The following CACNA2D3 variants were observed in gnomAD, a reference collection of about 807,000 sequenced individuals.
The protein encoded by CACNA2D3 is calcium voltage-gated channel auxiliary subunit alpha2delta 3.
In CACNA2D3, 60 loss-of-function variants were observed where a neutral mutation model predicts 160.6. The ratio of observed to expected loss-of-function variants is 0.37; its 90% CI spans 0.30 to 0.46. CACNA2D3 has a LOEUF of 0.46. Ranked by LOEUF, CACNA2D3 falls within the 20% of genes least tolerant of loss-of-function variation. CACNA2D3 has a pLI of 1.00. For missense variants in CACNA2D3, 1,205 were observed against 1,365.0 expected (o/e 0.88, Z 1.85); for synonymous variants, 558 against 492.9 (o/e 1.13, Z -1.75).
intron 2 of CACNA2D3, among the ~76,000 whole-genome samples, chr3:54,132,682 G>A (rs77048584): frequency 0.033 from 4,955 of 152,210 alleles, 255 homozygotes; most frequent in African/African-American, 0.11. Context: ...TGTATACTTA[G>A]AAAGAAATCA....
At chr3:54,539,859 G>A (rs1208161781) in intron 5 of CACNA2D3, among the ~76,000 whole-genome samples, 6 of 152,144 alleles carry the variant, frequency 3.9e-5, no homozygotes, top group African/African-American at 7.2e-5. Flanking sequence ...GTTTGTGGCC[G>A]GGTATTTTAG....
chr3:54,945,393 A>G (rs148194721), intron 27 of CACNA2D3, among the ~76,000 whole-genome samples: 24 of 152,260 alleles, frequency 1.6e-4, no homozygotes, highest in South Asian at 4.2e-4. Context: ...CCTGTCTTCA[A>G]ATGCCATCTC....
intron 13 of CACNA2D3, among the ~76,000 whole-genome samples, chr3:54,811,043 C>T (rs1179805909): frequency 2.0e-5 from 3 of 152,172 alleles, no homozygotes; most frequent in African/African-American, 7.2e-5. Flanking sequence ...GTCCTGGGCT[C>T]TCGCTGTCCT....
intron 13 of CACNA2D3, among the ~76,000 whole-genome samples, chr3:54,786,608 T>G (rs958216334): frequency 4.6e-5 from 7 of 152,192 alleles, no homozygotes; most frequent in African/African-American, 1.7e-4. Context: ...TTATAGATAT[T>G]TGGTAGGTAA....
At chr3:54,340,810 GT>G (rs1273336739) in intron 3 of CACNA2D3, among the ~76,000 whole-genome samples, 2 of 152,118 alleles carry the variant, frequency 1.3e-5, no homozygotes, top group Non-Finnish European at 2.9e-5. Flanking sequence ...TTGATCCCCA[GT>G]CCACAAGGCT....
chr3:54,281,511 A>G (rs1352191603), intron 2 of CACNA2D3, among the ~76,000 whole-genome samples: 2 of 152,038 alleles, frequency 1.3e-5, no homozygotes, highest in Non-Finnish European at 2.9e-5. Context: ...GCACTCAAAC[A>G]TGGCAGCTCT....
chr3:54,941,716 T>C (rs900659618), intron 27 of CACNA2D3, among the ~76,000 whole-genome samples: 8 of 152,204 alleles, frequency 5.3e-5, no homozygotes, highest in African/African-American at 1.9e-4. Context: ...AATGGGATCT[T>C]GGTAGAATTC....
chr3:54,693,031 AC>A (rs969781597), intron 11 of CACNA2D3, among the ~76,000 whole-genome samples: 11 of 149,506 alleles, frequency 7.4e-5, no homozygotes, highest in African/African-American at 2.7e-4. Flanking sequence ...TAAAAAAAAA[AC>A]CACCACCACC....
intron 2 of CACNA2D3, among the ~76,000 whole-genome samples, chr3:54,288,822 C>A (rs572249712): frequency 0.063 from 9,538 of 152,018 alleles, 1,032 homozygotes; most frequent in African/African-American, 0.22. Flanking sequence ...AGACAAAAAC[C>A]ACGTGATTAT....
At chr3:54,794,993 G>T (rs1326676472) in intron 13 of CACNA2D3, among the ~76,000 whole-genome samples, 1 of 151,880 alleles carries the variant, frequency 6.6e-6, no homozygotes, top group East Asian at 1.9e-4. Flanking sequence ...TATTTGTTCT[G>T]CACTGCTCCA....
chr3:54,338,896 A>AT (rs1345638852), intron 3 of CACNA2D3, among the ~76,000 whole-genome samples: 4 of 152,168 alleles, frequency 2.6e-5, no homozygotes, highest in Non-Finnish European at 4.4e-5. Context: ...TCTAGTTATC[A>AT]TTGTGTAGCC....
At chr3:54,368,912 A>T (rs1174056929) in intron 3 of CACNA2D3, among the ~76,000 whole-genome samples, 1 of 151,760 alleles carries the variant, frequency 6.6e-6, no homozygotes, top group Non-Finnish European at 1.5e-5. Context: ...TGTGTTAGCC[A>T]GGATAGTCTC....
intron 4 of CACNA2D3, among the ~76,000 whole-genome samples, chr3:54,391,446 A>C (rs999419418): frequency 6.6e-6 from 1 of 152,046 alleles, no homozygotes; most frequent in African/African-American, 2.4e-5. Flanking sequence ...AAAATGCAGA[A>C]TCCTCCATAG....
chr3:54,617,216 T>C (rs769067989), intron 9 of CACNA2D3, among the ~76,000 whole-genome samples: 1 of 152,190 alleles, frequency 6.6e-6, no homozygotes, highest in Non-Finnish European at 1.5e-5. Context: ...TCAGTGTGTT[T>C]TTCTAGAATA....
intron 2 of CACNA2D3, among the ~76,000 whole-genome samples, chr3:54,202,765 G>A (rs1042971396): frequency 6.6e-6 from 1 of 152,194 alleles, no homozygotes; most frequent in Admixed American, 6.5e-5. Context: ...TATGTCCCAG[G>A]AGAGTCCTGG....
chr3:54,730,563 C>T (rs552956720), intron 11 of CACNA2D3, among the ~76,000 whole-genome samples: 1 of 152,190 alleles, frequency 6.6e-6, no homozygotes, highest in African/African-American at 2.4e-5. Context: ...AGTGCAGTGG[C>T]GTGATCTTGG....
chr3:54,407,780 G>C (rs1247863534), intron 4 of CACNA2D3, among the ~76,000 whole-genome samples: 1 of 152,178 alleles, frequency 6.6e-6, no homozygotes, highest in Non-Finnish European at 1.5e-5. Context: ...ACCTTAGCTT[G>C]ATCCAATAGG....
At chr3:54,173,604 A>T (rs909026929) in intron 2 of CACNA2D3, among the ~76,000 whole-genome samples, 4 of 152,226 alleles carry the variant, frequency 2.6e-5, no homozygotes, top group African/African-American at 9.6e-5. Context: ...ATCTGAGAAC[A>T]GCACCTTGCT....
chr3:54,284,928 T>A (rs1247052303), intron 2 of CACNA2D3, among the ~76,000 whole-genome samples: 1 of 152,192 alleles, frequency 6.6e-6, no homozygotes, highest in African/African-American at 2.4e-5. Context: ...AAGTATGTCA[T>A]AAAGGAGTAT....
Sources: gnomAD v4.1 joint callset for allele counts (sites outside exome capture counted in the v4.1 genomes callset) on GRCh38, gnomAD v4.1.1 for gene constraint, MANE v1.5 for transcripts, NCBI Gene and HGNC (gene_info 2026-07-23, HGNC 2026-07-21) for gene names.